The following CLIC5 variants were observed in gnomAD, a reference collection of about 807,000 sequenced individuals.
The protein encoded by CLIC5 is chloride intracellular channel protein 5.
Under a neutral mutation model 24.7 loss-of-function variants are expected in CLIC5, and 20 were observed. That is an observed-to-expected ratio of 0.81 (90% CI 0.57 to 1.18). The LOEUF (loss-of-function observed/expected upper bound fraction) is 1.18, where lower values mean the gene tolerates loss of function less well. CLIC5 is among the 50% of genes most tolerant of loss of function. The pLI is 0.00. For synonymous variants in CLIC5, 159 were observed against 135.6 expected (o/e 1.17, Z -1.20); for missense variants, 341 against 326.1 (o/e 1.05, Z -0.35).
chr6:46,101,808 G>C, the CLIC5 span, among the ~76,000 whole-genome samples: 12 of 152,286 alleles, frequency 7.9e-5, no homozygotes, highest in African/African-American at 2.6e-4. Flanking sequence ...GTAAAATGCA[G>C]GTTTAAATTT....
chr6:45,997,796 C>A (rs1211791281), intron 1 of CLIC5, among the ~76,000 whole-genome samples: 2 of 152,166 alleles, frequency 1.3e-5, no homozygotes, highest in East Asian at 3.9e-4. Flanking sequence ...ATTAGGCATG[C>A]ACACACACAC....
chr6:46,119,972 G>A, the CLIC5 span, among the ~76,000 whole-genome samples: 1 of 152,360 alleles, frequency 6.6e-6, no homozygotes. Context: ...AGCTCAAGGA[G>A]GCCTGCCTGC....
chr6:46,050,005 G>A (rs938042701), intron 1 of CLIC5, among the ~76,000 whole-genome samples: 6 of 152,136 alleles, frequency 3.9e-5, no homozygotes, highest in African/African-American at 1.4e-4. Context: ...AGGAATGTGT[G>A]CTCTGTGGGA....
At chr6:45,889,371 C>T (rs1231373490) in intron 6 of CLIC5, among the ~76,000 whole-genome samples, 2 of 152,210 alleles carry the variant, frequency 1.3e-5, no homozygotes, top group South Asian at 4.2e-4. Flanking sequence ...CTAAAGGCAC[C>T]ACCTCCTAAT....
chr6:45,925,445 T>C, intron 4 of CLIC5, among the ~76,000 whole-genome samples: 1 of 151,954 alleles, frequency 6.6e-6, no homozygotes, highest in Non-Finnish European at 1.5e-5. Context: ...GCCTCCCAAG[T>C]AGCTGGGACT....
At chr6:45,881,921 G>C (rs1762266196) in intron 6 of CLIC5, among the ~76,000 whole-genome samples, 1 of 152,052 alleles carries the variant, frequency 6.6e-6, no homozygotes. Context: ...TCTGGAAATG[G>C]GGAAATGACT....
At chr6:45,898,439 T>C (rs1762430136), downstream of CLIC5, 1 of 152,604 alleles carries the variant, frequency 6.6e-6, no homozygotes. Flanking sequence ...AAATAAGAAG[T>C]TAGATGACCA....
At chr6:45,921,929 T>C (rs1763278926) in intron 4 of CLIC5, among the ~76,000 whole-genome samples, 2 of 152,194 alleles carry the variant, frequency 1.3e-5, no homozygotes, top group Admixed American at 1.3e-4. Flanking sequence ...AAATTGGCCC[T>C]GGGTGTGAAC....
At chr6:46,028,776 G>T (rs1238628553) in intron 1 of CLIC5, among the ~76,000 whole-genome samples, 2 of 152,164 alleles carry the variant, frequency 1.3e-5, no homozygotes, top group Non-Finnish European at 2.9e-5. Flanking sequence ...TGGTACATTT[G>T]TTACAACTGA....
At chr6:45,922,809 G>A (rs1232197250) in intron 4 of CLIC5, among the ~76,000 whole-genome samples, 2 of 146,210 alleles carry the variant, frequency 1.4e-5, no homozygotes, top group Non-Finnish European at 3.0e-5. Context: ...AAGGGAGGAA[G>A]AGAGAGAGAG....
At chr6:45,919,889 G>GA (rs1488035762) in intron 4 of CLIC5, among the ~76,000 whole-genome samples, 7 of 152,044 alleles carry the variant, frequency 4.6e-5, no homozygotes, top group Non-Finnish European at 8.8e-5. Flanking sequence ...GTGACAGAGA[G>GA]AAAAAAATGT....
chr6:46,002,531 T>A (rs949258854), intron 1 of CLIC5, among the ~76,000 whole-genome samples: 1 of 152,184 alleles, frequency 6.6e-6, no homozygotes, highest in African/African-American at 2.4e-5. Flanking sequence ...ATACTCCTGG[T>A]CTCTCTTACC....
the CLIC5 span, among the ~76,000 whole-genome samples, chr6:46,113,308 C>T: frequency 6.6e-6 from 1 of 152,006 alleles, no homozygotes; most frequent in African/African-American, 2.4e-5. Context: ...TGAGTGAAGA[C>T]TAGAGAGTAA....
At chr6:46,116,136 C>G in the CLIC5 span, among the ~76,000 whole-genome samples, 1 of 151,942 alleles carries the variant, frequency 6.6e-6, no homozygotes, top group African/African-American at 2.4e-5. Context: ...AGCAAGACCA[C>G]AGAGTCTGGA....
At chr6:46,112,557 G>T in the CLIC5 span, among the ~76,000 whole-genome samples, 1 of 152,152 alleles carries the variant, frequency 6.6e-6, no homozygotes, top group Non-Finnish European at 1.5e-5. Flanking sequence ...TAATAAATTT[G>T]TATGCCTTTT....
At chr6:46,108,388 G>C in the CLIC5 span, among the ~76,000 whole-genome samples, 7 of 144,702 alleles carry the variant, frequency 4.8e-5, no homozygotes, top group East Asian at 1.3e-3. Context: ...GTGTGTGTGT[G>C]TGTGTGTGTG....
At chr6:46,039,544 A>G (rs941920811) in intron 1 of CLIC5, among the ~76,000 whole-genome samples, 2 of 152,140 alleles carry the variant, frequency 1.3e-5, no homozygotes, top group Non-Finnish European at 2.9e-5. Flanking sequence ...TAAAATAAAC[A>G]TAAAAAGAAA....
At chr6:46,078,600 A>G (rs1431460473) in intron 1 of CLIC5, among the ~76,000 whole-genome samples, 2 of 152,160 alleles carry the variant, frequency 1.3e-5, no homozygotes, top group African/African-American at 2.4e-5. Flanking sequence ...CTGTCACCAT[A>G]TTATTCATTA....
intron 1 of CLIC5, among the ~76,000 whole-genome samples, chr6:46,032,186 C>T: frequency 6.6e-6 from 1 of 152,052 alleles, no homozygotes; most frequent in Non-Finnish European, 1.5e-5. Context: ...GGAGGCATGG[C>T]TTACATGGCT....
Sources: gnomAD v4.1 joint callset for allele counts (sites outside exome capture counted in the v4.1 genomes callset) on GRCh38, gnomAD v4.1.1 for gene constraint, MANE v1.5 for transcripts, NCBI Gene and HGNC (gene_info 2026-07-23, HGNC 2026-07-21) for gene names.